ADAMTSL1: variants seen among roughly 807,000 people sequenced by gnomAD.
ADAMTSL1 encodes the protein ADAMTS-like protein 1.
In ADAMTSL1, 126 loss-of-function variants were observed where a neutral mutation model predicts 201.8. The observed-to-expected ratio is 0.62, with a 90% CI of 0.54 to 0.72. ADAMTSL1 has a LOEUF of 0.72. ADAMTSL1 is among the 30% of genes least tolerant of loss of function. The pLI is 0.00. For synonymous variants in ADAMTSL1, 1,121 were observed against 903.4 expected, an observed-to-expected ratio of 1.24 and a Z score of -4.32; for missense variants, 2,679 against 2,277.8, an observed-to-expected ratio of 1.18 and a Z score of -3.59.
chr9:18,478,503 A>G (rs1028550768), intron 1 of ADAMTSL1, among the ~76,000 whole-genome samples: 4 of 152,208 alleles, frequency 2.6e-5, no homozygotes, highest in African/African-American at 9.6e-5. Context: ...TTAATTCTTC[A>G]TATTTTCAGT....
At chr9:18,702,538 A>G (rs1375741169) in intron 13 of ADAMTSL1, among the ~76,000 whole-genome samples, 2 of 152,098 alleles carry the variant, frequency 1.3e-5, no homozygotes, top group South Asian at 2.1e-4. Context: ...TAAAGAATAT[A>G]TTTTTTTCTT....
At chr9:18,733,432 G>C (rs1818324730) in intron 15 of ADAMTSL1, among the ~76,000 whole-genome samples, 2 of 152,168 alleles carry the variant, frequency 1.3e-5, no homozygotes, top group African/African-American at 4.8e-5. Flanking sequence ...TAGAGCTAAA[G>C]TGAATGTCTT....
At chr9:18,171,067 G>C (rs1176312999) in intron 2 of ADAMTSL1, among the ~76,000 whole-genome samples, 1 of 152,040 alleles carries the variant, frequency 6.6e-6, no homozygotes, top group African/African-American at 2.4e-5. Flanking sequence ...CACATATCTA[G>C]CATAACCAGA....
chr9:18,807,711 AG>A (rs1034587014), intron 20 of ADAMTSL1, among the ~76,000 whole-genome samples: 2 of 151,500 alleles, frequency 1.3e-5, no homozygotes, highest in African/African-American at 4.8e-5. Context: ...CGGCGCATTC[AG>A]TGGAGGGCTC....
intron 2 of ADAMTSL1, among the ~76,000 whole-genome samples, chr9:18,505,657 C>T (rs961925673): frequency 7.9e-5 from 12 of 152,054 alleles, no homozygotes; most frequent in African/African-American, 2.7e-4. Context: ...GATCTGTCTC[C>T]AAACTATAAA....
chr9:18,245,390 A>T (rs1831221731), intron 2 of ADAMTSL1, among the ~76,000 whole-genome samples: 1 of 152,158 alleles, frequency 6.6e-6, no homozygotes. Context: ...TTTCACTTAC[A>T]GCATACGTCA....
Position 18,777,550 on chromosome 9 carries a change from G to T in ADAMTSL1, c.3321G>T (p.Glu1107Asp), listed in dbSNP as rs1351983451. ...ACCTGGTGGCCCAGCTGGCCCAGGA[G>T]ATCTTCCGCAGCCACCTGGAGCACC... ...SKHLVAQLAQ[E>D]IFRSHLEHQD... The change falls in exon 19 of 29, where the codon GAG becomes GAT. Residue 1107 changes from glutamate to aspartate, a missense_variant. Transcript: ENST00000380548. 1.2e-6 allele frequency: 2 copies of T among 1,604,714 alleles called. No individual in the cohort carries two copies. The highest frequency in any genetic ancestry group is 1.7e-6 in the Non-Finnish European group (2 of 1,176,034).
intron 15 of ADAMTSL1, among the ~76,000 whole-genome samples, chr9:18,745,340 A>C (rs1300851515): frequency 6.6e-6 from 1 of 152,182 alleles, no homozygotes; most frequent in East Asian, 1.9e-4. Flanking sequence ...ACTTTGCTCA[A>C]AGGATTAAAA....
At chr9:18,898,794 C>A (rs1480284015) in intron 26 of ADAMTSL1, among the ~76,000 whole-genome samples, 1 of 152,142 alleles carries the variant, frequency 6.6e-6, no homozygotes, top group African/African-American at 2.4e-5. Flanking sequence ...ATTGAAGGAA[C>A]ACACCTCAAA....
chr9:18,091,642 C>G (rs1169681585), intron 1 of ADAMTSL1, among the ~76,000 whole-genome samples: 1 of 152,122 alleles, frequency 6.6e-6, no homozygotes, highest in Non-Finnish European at 1.5e-5. Context: ...GTCCATGTCA[C>G]TTAATTTTTT....
At chr9:17,917,884 C>G (rs1365396325) in intron 1 of ADAMTSL1, among the ~76,000 whole-genome samples, 2 of 151,910 alleles carry the variant, frequency 1.3e-5, no homozygotes, top group Non-Finnish European at 2.9e-5. Context: ...TCAATTTCAT[C>G]TTGAGTTAGC....
chr9:18,167,719 A>G (rs1339842998), intron 2 of ADAMTSL1, among the ~76,000 whole-genome samples: 1 of 151,938 alleles, frequency 6.6e-6, no homozygotes, highest in Non-Finnish European at 1.5e-5. Flanking sequence ...TGAGGGACTC[A>G]CCAACCTCCT....
At chr9:18,483,657 C>A (rs1025383918) in intron 1 of ADAMTSL1, among the ~76,000 whole-genome samples, 2 of 152,132 alleles carry the variant, frequency 1.3e-5, no homozygotes, top group African/African-American at 4.8e-5. Context: ...GAAACCCTAT[C>A]TCTACTAAAA....
intron 2 of ADAMTSL1, among the ~76,000 whole-genome samples, chr9:18,259,156 A>T (rs1194617497): frequency 2.6e-5 from 4 of 152,144 alleles, no homozygotes; most frequent in African/African-American, 9.7e-5. Flanking sequence ...TCTTATGCTC[A>T]TGTGGGCTTA....
At chr9:18,143,970 G>C (rs1415177285) in intron 1 of ADAMTSL1, among the ~76,000 whole-genome samples, 3 of 152,100 alleles carry the variant, frequency 2.0e-5, no homozygotes, top group African/African-American at 7.2e-5. Flanking sequence ...ATTTCTGGTG[G>C]GAACGTTTAA....
chr9:18,079,005 G>A (rs1247696606), intron 1 of ADAMTSL1, among the ~76,000 whole-genome samples: 1 of 152,100 alleles, frequency 6.6e-6, no homozygotes, highest in African/African-American at 2.4e-5. Flanking sequence ...CCCCAGGCAG[G>A]GGTCAGAACC....
chr9:18,736,223 G>C (rs1200208407), intron 15 of ADAMTSL1, among the ~76,000 whole-genome samples: 2 of 152,196 alleles, frequency 1.3e-5, no homozygotes, highest in African/African-American at 4.8e-5. Context: ...CCACTGTCCA[G>C]TTTGACTCTG....
At chr9:18,032,115 G>A (rs527787389) in intron 1 of ADAMTSL1, among the ~76,000 whole-genome samples, 1 of 152,296 alleles carries the variant, frequency 6.6e-6, no homozygotes, top group South Asian at 2.1e-4. Context: ...CACGTGTTCA[G>A]GGCTGTATGG....
At chr9:18,298,932 A>C (rs1050215574) in intron 2 of ADAMTSL1, among the ~76,000 whole-genome samples, 45 of 151,990 alleles carry the variant, frequency 3.0e-4, no homozygotes, top group South Asian at 8.3e-4. Context: ...GAATGGCGTG[A>C]ACCCGGGAGG....
Sources: allele counts gnomAD v4.1 joint callset (sites outside exome capture counted in the v4.1 genomes callset), GRCh38; gene constraint gnomAD v4.1.1; transcripts MANE v1.5; gene names NCBI Gene and HGNC (gene_info 2026-07-23, HGNC 2026-07-21).